The following BRDT variants were observed in gnomAD, a reference collection of about 807,000 sequenced individuals.
BRDT encodes the protein bromodomain testis associated.
Under a neutral mutation model 113.9 loss-of-function variants are expected in BRDT, and 77 were observed. That is an observed-to-expected ratio of 0.68 (90% CI 0.56 to 0.82). The LOEUF is 0.82. Ranked by LOEUF, BRDT falls within the 40% of genes least tolerant of loss-of-function variation. The probability of loss-of-function intolerance (pLI) is 0.00; values close to 1 mark genes in which losing one functional copy is unlikely to be tolerated. For missense variants in BRDT, 1,027 were observed against 1,105.4 expected (o/e 0.93, Z 1.01); for synonymous variants, 358 against 366.5 (o/e 0.98, Z 0.26).
chr1:91,959,639 CCTGA>C (rs1387756479), intron 1 of BRDT, among the ~76,000 whole-genome samples: 1 of 151,888 alleles, frequency 6.6e-6, no homozygotes, highest in East Asian at 1.9e-4. Flanking sequence ...CACCACCACG[CCTGA>C]CTGATTTTTG....
intron 12 of BRDT, among the ~76,000 whole-genome samples, chr1:91,986,575 T>C (rs1685260527): frequency 6.6e-6 from 1 of 152,224 alleles, no homozygotes; most frequent in South Asian, 2.1e-4. Context: ...TTTGGACTTT[T>C]TGCATTTTAT....
chr1:91,966,672 T>C (rs1683094129), intron 3 of BRDT, among the ~76,000 whole-genome samples: 1 of 152,230 alleles, frequency 6.6e-6, no homozygotes, highest in African/African-American at 2.4e-5. Flanking sequence ...AAATAAATGT[T>C]CTCTTTATTT....
intron 12 of BRDT, among the ~76,000 whole-genome samples, chr1:91,986,482 A>C (rs1685251861): frequency 6.6e-6 from 1 of 152,258 alleles, no homozygotes; most frequent in Admixed American, 6.5e-5. Flanking sequence ...AGAGTTAAAC[A>C]CAAAGAAACT....
At chr1:91,997,893 A>G (rs1254788681) in intron 15 of BRDT, among the ~76,000 whole-genome samples, 4 of 152,236 alleles carry the variant, frequency 2.6e-5, no homozygotes, top group African/African-American at 7.2e-5. Flanking sequence ...TTAAATCTCA[A>G]TAGAAATAAA....
intron 1 of BRDT, among the ~76,000 whole-genome samples, chr1:91,959,802 T>C (rs769420441): frequency 1.3e-5 from 2 of 152,166 alleles, no homozygotes; most frequent in Non-Finnish European, 2.9e-5. Context: ...TATTAAGTGC[T>C]ATATTTCCAT....
intron 18 of BRDT, among the ~76,000 whole-genome samples, chr1:92,007,596 A>G (rs1687437853): frequency 6.6e-6 from 1 of 152,164 alleles, no homozygotes; most frequent in Admixed American, 6.5e-5. Flanking sequence ...GCATTTTTTT[A>G]GTCCACTTCA....
At chr1:91,979,204 C>T (rs1228171528) in intron 7 of BRDT, among the ~76,000 whole-genome samples, 1 of 150,552 alleles carries the variant, frequency 6.6e-6, no homozygotes, top group African/African-American at 2.4e-5. Flanking sequence ...ACCTCCGCCT[C>T]CCGGGTTCAA....
At chr1:92,010,458 A>T (rs1420968347) in intron 18 of BRDT, among the ~76,000 whole-genome samples, 1 of 150,188 alleles carries the variant, frequency 6.7e-6, no homozygotes, top group South Asian at 2.1e-4. Context: ...TTTTGTTTTT[A>T]TTTTTTTAGT....
At chr1:91,958,152 CT>C (rs1169733775) in intron 1 of BRDT, among the ~76,000 whole-genome samples, 1 of 150,538 alleles carries the variant, frequency 6.6e-6, no homozygotes, top group African/African-American at 2.4e-5. Flanking sequence ...CAAGTTTTGC[CT>C]TTTTTTGAGA....
chr1:91,968,245 G>C lies in BRDT; in HGVS notation c.430G>C (p.Glu144Gln), dbSNP rs1683268543. 1.9e-6 allele frequency: 3 copies of C among 1,614,044 alleles called. No homozygotes were observed. Among genetic ancestry groups the C allele is most frequent in the Non-Finnish European group, 2.5e-6 (3 of 1,179,984 alleles). ...PQEEQVVGVK[E>Q]RIKKGTQQNI... is the part of the protein sequence containing the mutation. Reference sequence around the variant, plus strand: ...AGAAGAGCAAGTTGTGGGTGTTAAGGAAAGAATCAAGAAAGGTAAGGCAGG... The same window carrying C: ...AGAAGAGCAAGTTGTGGGTGTTAAGCAAAGAATCAAGAAAGGTAAGGCAGG... The change falls in exon 4 of 19, where the codon GAA (glutamate) becomes CAA (glutamine). Residue 144 changes from glutamate (E) to glutamine (Q), a missense_variant. Coordinates refer to ENST00000399546, the MANE Select transcript of BRDT (RefSeq NM_207189.4).
intron 3 of BRDT, among the ~76,000 whole-genome samples, chr1:91,966,990 A>G (rs1192004323): frequency 6.6e-6 from 1 of 151,882 alleles, no homozygotes; most frequent in Admixed American, 6.6e-5. Flanking sequence ...AATCGCTTGA[A>G]CCCAGGTGAC....
chr1:91,980,557 C>CT, intron 8 of BRDT, 86 bp from the exon 9 acceptor site: 1 of 1,171,874 alleles, frequency 8.5e-7, no homozygotes, highest in Non-Finnish European at 1.1e-6. Flanking sequence ...AAAAGACATT[C>CT]TTGACTTTGG....
intron 3 of BRDT, among the ~76,000 whole-genome samples, chr1:91,965,420 A>G (rs1682960002): frequency 6.6e-6 from 1 of 152,142 alleles, no homozygotes; most frequent in African/African-American, 2.4e-5. Context: ...CATTCCTGTC[A>G]TTTTAGTTAT....
chr1:91,975,881 T>C (rs1161793768), intron 4 of BRDT, among the ~76,000 whole-genome samples: 1 of 152,218 alleles, frequency 6.6e-6, no homozygotes, highest in Non-Finnish European at 1.5e-5. Context: ...TTAACAATTA[T>C]GAAGTCCTTG....
chr1:91,988,097 T>G (rs924915542), intron 12 of BRDT, among the ~76,000 whole-genome samples: 12 of 152,326 alleles, frequency 7.9e-5, no homozygotes, highest in African/African-American at 2.6e-4. Flanking sequence ...TCCACCCACC[T>G]TGGCCTCCCA....
At chr1:91,958,100 TC>T (rs1681996469) in intron 1 of BRDT, among the ~76,000 whole-genome samples, 4 of 151,886 alleles carry the variant, frequency 2.6e-5, no homozygotes, top group Admixed American at 2.0e-4. Flanking sequence ...GCCTCGGCCT[TC>T]CAAAGCGCTG....
intron 1 of BRDT, among the ~76,000 whole-genome samples, chr1:91,951,835 C>A (rs1570399364): frequency 6.6e-6 from 1 of 151,968 alleles, no homozygotes; most frequent in Non-Finnish European, 1.5e-5. Context: ...GTTGGGCAGC[C>A]AGGAGTTCAA....
At chr1:91,958,907 G>T (rs775871524) in intron 1 of BRDT, among the ~76,000 whole-genome samples, 8 of 151,938 alleles carry the variant, frequency 5.3e-5, no homozygotes, top group Non-Finnish European at 1.0e-4. Flanking sequence ...AAATGAGCTG[G>T]ATATTGTGGT....
At chr1:91,968,796 T>C (rs1403963500) in intron 4 of BRDT, among the ~76,000 whole-genome samples, 1 of 152,204 alleles carries the variant, frequency 6.6e-6, no homozygotes, top group African/African-American at 2.4e-5. Context: ...AGATGTATTA[T>C]AGAGGTTAAT....
Sources: allele counts gnomAD v4.1 joint callset (sites outside exome capture counted in the v4.1 genomes callset), GRCh38; gene constraint gnomAD v4.1.1; transcripts MANE v1.5; gene names NCBI Gene and HGNC (gene_info 2026-07-23, HGNC 2026-07-21).